The following CCSER1 variants were observed in gnomAD, a reference collection of about 807,000 sequenced individuals.
CCSER1 encodes serine-rich coiled-coil domain-containing protein 1.
CCSER1 carries 41 observed loss-of-function variants against 82.0 expected under a neutral mutation model. The ratio of observed to expected loss-of-function variants is 0.50; its 90% CI spans 0.39 to 0.65. CCSER1 has a LOEUF of 0.65. Ranked by LOEUF, CCSER1 falls within the 30% of genes least tolerant of loss-of-function variation. CCSER1 has a pLI of 0.00. For synonymous variants in CCSER1, 414 were observed against 383.9 expected (o/e 1.08, Z -0.92); for missense variants, 1,119 against 1,064.2 (o/e 1.05, Z -0.72).
At chr4:91,318,486 C>A (rs1745976360) in intron 10 of CCSER1, among the ~76,000 whole-genome samples, 1 of 151,898 alleles carries the variant, frequency 6.6e-6, no homozygotes, top group Non-Finnish European at 1.5e-5. Flanking sequence ...CTGCCAGTTA[C>A]CAACAGTACA....
chr4:91,182,187 G>A (rs980872393), intron 10 of CCSER1, among the ~76,000 whole-genome samples: 1 of 152,076 alleles, frequency 6.6e-6, no homozygotes, highest in African/African-American at 2.4e-5. Flanking sequence ...AGGGTCCTTG[G>A]GATCCTTCTG....
At chr4:90,452,910 C>T (rs1761668131) in intron 4 of CCSER1, among the ~76,000 whole-genome samples, 1 of 152,160 alleles carries the variant, frequency 6.6e-6, no homozygotes, top group Non-Finnish European at 1.5e-5. Context: ...GGTACTTCAC[C>T]AAAGTCTGGC....
chr4:90,933,914 AT>A (rs1186961657), intron 9 of CCSER1, among the ~76,000 whole-genome samples: 1 of 151,816 alleles, frequency 6.6e-6, no homozygotes, highest in African/African-American at 2.4e-5. Context: ...CATTTTTTAC[AT>A]TTTGTTTTAA....
chr4:90,696,455 C>G (rs1271356192), intron 6 of CCSER1, among the ~76,000 whole-genome samples: 1 of 151,808 alleles, frequency 6.6e-6, no homozygotes, highest in Non-Finnish European at 1.5e-5. Context: ...CAGAATTAAC[C>G]AAAATAAGAG....
intron 5 of CCSER1, among the ~76,000 whole-genome samples, chr4:90,578,600 C>G (rs1260098149): frequency 6.6e-6 from 1 of 152,076 alleles, no homozygotes. Context: ...TACATTGGAC[C>G]TCTCCAATAT....
chr4:91,246,090 G>A (rs923314532), intron 10 of CCSER1, among the ~76,000 whole-genome samples: 1 of 152,176 alleles, frequency 6.6e-6, no homozygotes, highest in African/African-American at 2.4e-5. Context: ...CCAGTGGTGT[G>A]TAGGCTATTC....
intron 10 of CCSER1, among the ~76,000 whole-genome samples, chr4:91,563,522 T>G (rs1762752425): frequency 7.6e-6 from 1 of 131,466 alleles, no homozygotes; most frequent in East Asian, 2.1e-4. Context: ...GTGTTCCATA[T>G]CTACACACAC....
intron 10 of CCSER1, among the ~76,000 whole-genome samples, chr4:91,141,856 A>G (rs997572816): frequency 3.9e-5 from 6 of 152,148 alleles, no homozygotes; most frequent in Admixed American, 1.3e-4. Flanking sequence ...TTTGATTTGC[A>G]TTTATTTGAT....
chr4:90,554,899 A>C (rs1273575371), intron 5 of CCSER1, among the ~76,000 whole-genome samples: 3 of 152,194 alleles, frequency 2.0e-5, no homozygotes, highest in Admixed American at 2.0e-4. Flanking sequence ...AGTGAAGATG[A>C]GAAGAGAGCC....
At chr4:91,330,913 C>T (rs981142304) in intron 10 of CCSER1, among the ~76,000 whole-genome samples, 12 of 152,136 alleles carry the variant, frequency 7.9e-5, no homozygotes, top group Non-Finnish European at 4.4e-5. Context: ...TTTTGGGAAG[C>T]ATGATAAATT....
intron 8 of CCSER1, among the ~76,000 whole-genome samples, chr4:90,898,740 G>A (rs1290634944): frequency 1.3e-5 from 2 of 151,910 alleles, no homozygotes; most frequent in Non-Finnish European, 2.9e-5. Flanking sequence ...ATACTTGGTT[G>A]AAGATTAGTT....
intron 10 of CCSER1, among the ~76,000 whole-genome samples, chr4:91,347,861 GT>G (rs60531921): frequency 0.068 from 10,054 of 148,920 alleles, 1,090 homozygotes; most frequent in African/African-American, 0.23. Context: ...AGTGCCAGTA[GT>G]TTTTTTTTTG....
intron 1 of CCSER1, among the ~76,000 whole-genome samples, chr4:90,276,726 C>T (rs1727892053): frequency 6.6e-6 from 1 of 152,150 alleles, no homozygotes; most frequent in African/African-American, 2.4e-5. Context: ...GAAGACAGAA[C>T]AACAGAGCTG....
chr4:91,431,624 C>T (rs559096008), intron 10 of CCSER1, among the ~76,000 whole-genome samples: 2 of 152,016 alleles, frequency 1.3e-5, no homozygotes, highest in Middle Eastern at 3.4e-3. Flanking sequence ...TGCACCACCA[C>T]GCCAGGCTAA....
At chr4:91,286,790 A>C (rs1459056347) in intron 10 of CCSER1, among the ~76,000 whole-genome samples, 4 of 151,886 alleles carry the variant, frequency 2.6e-5, no homozygotes, top group Non-Finnish European at 5.9e-5. Flanking sequence ...AAAAAATAGT[A>C]AACATCAAGT....
chr4:90,912,321 TG>T (rs1726524461), intron 8 of CCSER1, among the ~76,000 whole-genome samples: 1 of 152,152 alleles, frequency 6.6e-6, no homozygotes, highest in Admixed American at 6.5e-5. Context: ...CAGCAACATT[TG>T]CTGTTCACCA....
At chr4:91,113,966 C>T (rs781774774) in intron 10 of CCSER1, among the ~76,000 whole-genome samples, 24 of 152,056 alleles carry the variant, frequency 1.6e-4, no homozygotes, top group Non-Finnish European at 3.4e-4. Context: ...CGTTCTCCTG[C>T]CTCAGCCTCC....
At chr4:90,694,347 T>C (rs1264626956) in intron 6 of CCSER1, among the ~76,000 whole-genome samples, 1 of 152,028 alleles carries the variant, frequency 6.6e-6, no homozygotes, top group Non-Finnish European at 1.5e-5. Context: ...ACAACTTATT[T>C]CTTCTTGTGC....
chr4:90,886,818 A>G (rs1281540623), intron 8 of CCSER1, among the ~76,000 whole-genome samples: 24 of 152,174 alleles, frequency 1.6e-4, no homozygotes, highest in Admixed American at 1.4e-3. Context: ...TTCTGTGTCT[A>G]CTGAATTGAA....
Sources: gnomAD v4.1 joint callset for allele counts (sites outside exome capture counted in the v4.1 genomes callset) on GRCh38, gnomAD v4.1.1 for gene constraint, MANE v1.5 for transcripts, NCBI Gene and HGNC (gene_info 2026-07-23, HGNC 2026-07-21) for gene names.